TYW1B: variants seen among roughly 807,000 people sequenced by gnomAD.
TYW1B encodes S-adenosyl-L-methionine-dependent tRNA 4-demethylwyosine synthase TYW1B.
A neutral mutation model predicts 86.9 loss-of-function variants in TYW1B; 73 were observed. That is an observed-to-expected ratio of 0.84 (90% confidence interval 0.70 to 1.02). The LOEUF (loss-of-function observed/expected upper bound fraction) is 1.02, where lower values mean the gene tolerates loss of function less well. Ranked by LOEUF, TYW1B falls within the 50% of genes least tolerant of loss-of-function variation. The pLI is 0.00. For synonymous variants in TYW1B, 248 were observed against 292.8 expected (o/e 0.85, Z 1.56); for missense variants, 637 against 827.4 (o/e 0.77, Z 2.82).
At chr7:72,685,152 A>G (rs1308388208) in intron 11 of TYW1B, among the ~76,000 whole-genome samples, 1 of 152,002 alleles carries the variant, frequency 6.6e-6, no homozygotes, top group African/African-American at 2.4e-5. Flanking sequence ...TTGTTATCAT[A>G]AAGTACTTGT....
intron 11 of TYW1B, among the ~76,000 whole-genome samples, chr7:72,630,585 A>G (rs1249152971): frequency 6.6e-6 from 1 of 152,168 alleles, no homozygotes; most frequent in Non-Finnish European, 1.5e-5. Flanking sequence ...GAAGACTTCC[A>G]ACATTAATAA....
At chr7:72,763,385 C>T (rs1554467611) in intron 7 of TYW1B, among the ~76,000 whole-genome samples, 3 of 148,694 alleles carry the variant, frequency 2.0e-5, no homozygotes, top group Admixed American at 6.9e-5. Flanking sequence ...TGGGTTCAAG[C>T]GATTCTCCTG....
chr7:72,648,544 GAA>G (rs1171338007), intron 11 of TYW1B, among the ~76,000 whole-genome samples: 12 of 75,196 alleles, frequency 1.6e-4, no homozygotes, highest in African/African-American at 1.8e-4. Flanking sequence ...CTCTGTCTCA[GAA>G]AAAAAAAAAA....
At chr7:72,711,855 C>CT (rs71069101) in intron 10 of TYW1B, among the ~76,000 whole-genome samples, 117,255 of 147,216 alleles carry the variant, frequency 0.8, 47,088 homozygotes, top group Middle Eastern at 0.87. Context: ...TCAAAAAGAT[C>CT]TTTTTTTTTT....
chr7:72,685,479 C>A (rs1190589405), intron 11 of TYW1B, among the ~76,000 whole-genome samples: 3 of 152,082 alleles, frequency 2.0e-5, no homozygotes, highest in Non-Finnish European at 4.4e-5. Context: ...ACCAAAGGAA[C>A]AGAATACAGC....
intron 11 of TYW1B, among the ~76,000 whole-genome samples, chr7:72,659,353 TGGA>T (rs2129569409): frequency 6.6e-6 from 1 of 152,010 alleles, no homozygotes; most frequent in East Asian, 2.0e-4. Flanking sequence ...CCCAGGCAGG[TGGA>T]TCACCAGAGG....
intron 5 of TYW1B, among the ~76,000 whole-genome samples, chr7:72,806,007 T>A (rs535225977): frequency 6.6e-6 from 1 of 151,858 alleles, no homozygotes; most frequent in South Asian, 2.1e-4. Context: ...GCTCAGAATG[T>A]GAGGGAAAAA....
chr7:72,711,734 G>C (rs752234924), intron 10 of TYW1B, among the ~76,000 whole-genome samples: 9 of 151,910 alleles, frequency 5.9e-5, no homozygotes, highest in Non-Finnish European at 1.2e-4. Context: ...TGATCCGCCC[G>C]TCTCAGCCTC....
At chr7:72,674,966 G>A (rs1813701024) in intron 11 of TYW1B, among the ~76,000 whole-genome samples, 1 of 151,954 alleles carries the variant, frequency 6.6e-6, no homozygotes, top group Non-Finnish European at 1.5e-5. Context: ...CAAAAAATAA[G>A]GGATGACTTG....
intron 11 of TYW1B, among the ~76,000 whole-genome samples, chr7:72,631,370 C>T (rs1471688971): frequency 1.3e-5 from 2 of 152,106 alleles, no homozygotes; most frequent in Non-Finnish European, 2.9e-5. Context: ...AAAAATTAGC[C>T]AGGCATGGTG....
intron 3 of TYW1B, among the ~76,000 whole-genome samples, chr7:72,814,012 T>C (rs62466883): frequency 1.5e-5 from 2 of 137,894 alleles, no homozygotes; most frequent in Non-Finnish European, 3.1e-5. Flanking sequence ...CAAAACTCCA[T>C]TAAAAAAAAA....
intron 7 of TYW1B, among the ~76,000 whole-genome samples, chr7:72,757,410 G>A (rs1465258511): frequency 2.1e-5 from 3 of 146,226 alleles, no homozygotes; most frequent in Admixed American, 2.0e-4. Context: ...GAATTAAGAA[G>A]AGTGGAAGTA....
At chr7:72,807,812 GAT>G (rs1788526194) in intron 4 of TYW1B, among the ~76,000 whole-genome samples, 1 of 152,146 alleles carries the variant, frequency 6.6e-6, no homozygotes, top group South Asian at 2.1e-4. Flanking sequence ...ATTTCACTGT[GAT>G]ATGAAGCAAT....
At chr7:72,782,934 G>C (rs1248379174) in intron 6 of TYW1B, among the ~76,000 whole-genome samples, 1 of 152,112 alleles carries the variant, frequency 6.6e-6, no homozygotes, top group Non-Finnish European at 1.5e-5. Context: ...CATTTTTCTA[G>C]ACAGTTAACC....
At chr7:72,578,962 C>T (rs1811086245) in intron 13 of TYW1B, among the ~76,000 whole-genome samples, 1 of 152,142 alleles carries the variant, frequency 6.6e-6, no homozygotes, top group Non-Finnish European at 1.5e-5. Flanking sequence ...AATCCTGATG[C>T]TCCTTCACCC....
chr7:72,785,552 C>T (rs1301802235), intron 6 of TYW1B, among the ~76,000 whole-genome samples: 1 of 151,546 alleles, frequency 6.6e-6, no homozygotes, highest in Non-Finnish European at 1.5e-5. Context: ...AGGCAGATAC[C>T]GTTATCTCTC....
chr7:72,610,067 G>A (rs1811898042), intron 13 of TYW1B, among the ~76,000 whole-genome samples: 1 of 152,138 alleles, frequency 6.6e-6, no homozygotes, highest in Admixed American at 6.5e-5. Flanking sequence ...CAGTTTCAAC[G>A]TTAGGCTGTG....
At chr7:72,669,305 C>T (rs1402511097) in intron 11 of TYW1B, among the ~76,000 whole-genome samples, 7 of 151,624 alleles carry the variant, frequency 4.6e-5, no homozygotes, top group African/African-American at 1.5e-4. Flanking sequence ...CCACCACGCC[C>T]GGCTAATTTT....
At chr7:72,626,612 C>A (rs1298991005) in intron 12 of TYW1B, among the ~76,000 whole-genome samples, 1 of 152,172 alleles carries the variant, frequency 6.6e-6, no homozygotes, top group Non-Finnish European at 1.5e-5. Flanking sequence ...TTTCGCCATC[C>A]ACGCAATGGC....
Sources: gnomAD v4.1 joint callset for allele counts (sites outside exome capture counted in the v4.1 genomes callset) on GRCh38, gnomAD v4.1.1 for gene constraint, MANE v1.5 for transcripts, NCBI Gene and HGNC (gene_info 2026-07-23, HGNC 2026-07-21) for gene names.